ELSPBP1: variants seen among roughly 807,000 people sequenced by gnomAD.
ELSPBP1 encodes the protein epididymal sperm-binding protein 1.
In ELSPBP1, 38 loss-of-function variants were observed where a neutral mutation model predicts 33.3. The observed-to-expected ratio is 1.14, with a 90% confidence interval of 0.88 to 1.50. The LOEUF (loss-of-function observed/expected upper bound fraction) is 1.50, where lower values mean the gene tolerates loss of function less well. ELSPBP1 is among the 40% of genes most tolerant of loss of function. The pLI, the probability that ELSPBP1 is intolerant of heterozygous loss-of-function variation, is 0.00. For missense variants in ELSPBP1, 267 were observed against 263.5 expected, an observed-to-expected ratio of 1.01 and a Z score of -0.09; for synonymous variants, 85 against 94.1, an observed-to-expected ratio of 0.90 and a Z score of 0.56.
chr19:48,012,920 T>C (rs1207728959), intron 2 of ELSPBP1, among the ~76,000 whole-genome samples: 1 of 152,188 alleles, frequency 6.6e-6, no homozygotes, highest in Non-Finnish European at 1.5e-5. Flanking sequence ...GAAAACAAAA[T>C]CCCATTATTA....
chr19:48,022,426 C>A, intron 6 of ELSPBP1, 92 bp downstream of exon 6: 1 of 1,174,754 alleles, frequency 8.5e-7, no homozygotes, highest in Non-Finnish European at 1.2e-6. Context: ...GCGAGATCTG[C>A]TTTTTCAAGC....
At chr19:48,002,054 G>A (rs1041807522) in intron 1 of ELSPBP1, among the ~76,000 whole-genome samples, 1 of 152,116 alleles carries the variant, frequency 6.6e-6, no homozygotes, top group Non-Finnish European at 1.5e-5. Context: ...GAATTAGGAC[G>A]TGGACAGATT....
intron 1 of ELSPBP1, among the ~76,000 whole-genome samples, chr19:48,003,194 T>C (rs561777625): frequency 6.6e-6 from 1 of 152,330 alleles, no homozygotes; most frequent in South Asian, 2.1e-4. Context: ...GAATAATTAT[T>C]TTGAATGGCC....
intron 1 of ELSPBP1, among the ~76,000 whole-genome samples, chr19:48,003,841 C>T (rs994159544): frequency 1.3e-5 from 2 of 150,968 alleles, no homozygotes; most frequent in African/African-American, 4.9e-5. Flanking sequence ...CTACCGTGTC[C>T]GGCCCACTCC....
intron 5 of ELSPBP1, among the ~76,000 whole-genome samples, chr19:48,020,840 T>C (rs1406280516): frequency 3.9e-5 from 6 of 152,228 alleles, no homozygotes; most frequent in Non-Finnish European, 8.8e-5. Flanking sequence ...AGGGAAGTCC[T>C]TGGGCAAAGA....
intron 4 of ELSPBP1, among the ~76,000 whole-genome samples, chr19:48,016,514 TTCTTTCTTTCTTTCTTC>T (rs1423953997): frequency 1.0e-5 from 1 of 98,944 alleles, no homozygotes; most frequent in Non-Finnish European, 2.3e-5. Context: ...CTTTCTTTCT[TTCTTTCTTTCTTTCTTC>T]CTTCCTTCCT....
chr19:47,997,897 G>T (rs149105073), intron 1 of ELSPBP1, among the ~76,000 whole-genome samples: 1 of 152,310 alleles, frequency 6.6e-6, no homozygotes, highest in East Asian at 1.9e-4. Flanking sequence ...TAATTGGAAA[G>T]AAGTCTCCTA....
At position 48,023,492 on chromosome 19, in the gene ELSPBP1, G is replaced by A. The variant is rs796477691; in HGVS notation, c.*7+1158G>A. ...GGAGGAAGGGAGGAGGGAAGGGAGG[G>A]AGGGAAGGAAAAGAGGAAGGAAATA... On this transcript the variant is annotated intron_variant, in intron 6 of 6. Transcript: ENST00000339841. Among the ~76,000 whole-genome samples the A allele has an allele frequency of 4.3e-3, 206 of 48,056 alleles. 4 individuals carry two copies. Among genetic ancestry groups the A allele is most frequent in the African/African-American group, 8.6e-3 (192 of 22,382 alleles). The allele number at this position is 48,056 out of a possible 152,430, so 31.5% of individuals were successfully genotyped here.
intron 1 of ELSPBP1, among the ~76,000 whole-genome samples, chr19:48,006,429 C>T (rs991952390): frequency 1.8e-4 from 27 of 151,718 alleles, no homozygotes; most frequent in African/African-American, 2.9e-4. Flanking sequence ...GCCTGGCCAA[C>T]GTGGTGAAAC....
At chr19:48,009,866 G>A (rs1967059749) in intron 2 of ELSPBP1, among the ~76,000 whole-genome samples, 1 of 152,126 alleles carries the variant, frequency 6.6e-6, no homozygotes, top group African/African-American at 2.4e-5. Flanking sequence ...GTCATTCAGG[G>A]ATCCAAGCTT....
intron 1 of ELSPBP1, among the ~76,000 whole-genome samples, chr19:47,999,369 A>G (rs1163693264): frequency 3.4e-5 from 5 of 149,230 alleles, no homozygotes; most frequent in Non-Finnish European, 7.4e-5. Flanking sequence ...TCACCACCCC[A>G]TACTGAAAGC....
chr19:48,013,031 A>G (rs989246526), intron 2 of ELSPBP1, among the ~76,000 whole-genome samples: 1 of 152,126 alleles, frequency 6.6e-6, no homozygotes, highest in African/African-American at 2.4e-5. Context: ...AGTATTAGAG[A>G]TGCAGTAGAG....
chr19:48,012,284 C>T (rs1021410434), intron 2 of ELSPBP1, among the ~76,000 whole-genome samples: 13 of 149,422 alleles, frequency 8.7e-5, no homozygotes, highest in African/African-American at 3.0e-4. Context: ...CCACCATGCC[C>T]GGCTAATCTT....
intron 3 of ELSPBP1, among the ~76,000 whole-genome samples, chr19:48,014,849 C>T (rs1249135016): frequency 6.6e-6 from 1 of 152,064 alleles, no homozygotes; most frequent in Non-Finnish European, 1.5e-5. Context: ...AAATAGTGCT[C>T]TCTGGATGAG....
intron 4 of ELSPBP1, among the ~76,000 whole-genome samples, chr19:48,018,049 C>A (rs1967161549): frequency 1.3e-5 from 2 of 152,096 alleles, no homozygotes; most frequent in Admixed American, 6.6e-5. Context: ...GCATAAATCA[C>A]CAAACGGATG....
intron 4 of ELSPBP1, 65 bp from the exon 5 acceptor site, chr19:48,019,654 G>T: frequency 6.6e-7 from 1 of 1,517,022 alleles, no homozygotes. Context: ...CAGTTTGTGT[G>T]TCATAAATGG....
At chr19:48,017,498 C>T (rs920801384) in intron 4 of ELSPBP1, among the ~76,000 whole-genome samples, 6 of 152,162 alleles carry the variant, frequency 3.9e-5, no homozygotes, top group Non-Finnish European at 8.8e-5. Flanking sequence ...TACATTCCAT[C>T]ATTAATAAAT....
chr19:48,021,226 G>A (rs1321406054), intron 5 of ELSPBP1, among the ~76,000 whole-genome samples: 3 of 152,120 alleles, frequency 2.0e-5, no homozygotes, highest in East Asian at 1.9e-4. Context: ...TAGGAAGTTT[G>A]AGTTTGAGTC....
chr19:48,017,944 G>T (rs1600110915), intron 4 of ELSPBP1, among the ~76,000 whole-genome samples: 1 of 145,330 alleles, frequency 6.9e-6, no homozygotes, highest in South Asian at 2.2e-4. Context: ...CATCACTTTT[G>T]TGGTAATATA....
Sources: gnomAD v4.1 joint callset for allele counts (sites outside exome capture counted in the v4.1 genomes callset) on GRCh38, gnomAD v4.1.1 for gene constraint, MANE v1.5 for transcripts, NCBI Gene and HGNC (gene_info 2026-07-23, HGNC 2026-07-21) for gene names.